The following LARGE1 variants were observed in gnomAD, a reference collection of about 807,000 sequenced individuals.
The protein encoded by LARGE1 is xylosyl- and glucuronyltransferase LARGE1.
Under a neutral mutation model 87.6 loss-of-function variants are expected in LARGE1, and 43 were observed. That is an observed-to-expected ratio of 0.49 (90% CI 0.38 to 0.63). LARGE1 has a LOEUF of 0.63. LARGE1 is among the 30% of genes least tolerant of loss of function. The pLI is 0.00. For missense variants in LARGE1, 802 were observed against 1,000.2 expected, an observed-to-expected ratio of 0.80 and a Z score of 2.67; for synonymous variants, 434 against 394.6, an observed-to-expected ratio of 1.10 and a Z score of -1.18.
chr22:33,292,010 C>T (rs1446897147), intron 12 of LARGE1, among the ~76,000 whole-genome samples: 2 of 152,174 alleles, frequency 1.3e-5, no homozygotes, highest in Non-Finnish European at 2.9e-5. Context: ...AGGAGAATCG[C>T]TTGAACCAGG....
At chr22:33,628,492 T>G (rs240587) in intron 3 of LARGE1, among the ~76,000 whole-genome samples, 3 of 152,044 alleles carry the variant, frequency 2.0e-5, no homozygotes, top group African/African-American at 7.2e-5. Context: ...AATTTTTGTA[T>G]TTTTAGTAGA....
chr22:33,447,176 T>A (rs1262025245), intron 6 of LARGE1, among the ~76,000 whole-genome samples: 1 of 152,252 alleles, frequency 6.6e-6, no homozygotes, highest in African/African-American at 2.4e-5. Context: ...TTATAAGGCA[T>A]GAGCCACTGC....
chr22:33,406,880 C>T (rs2066120761), intron 7 of LARGE1, among the ~76,000 whole-genome samples: 1 of 152,076 alleles, frequency 6.6e-6, no homozygotes, highest in Non-Finnish European at 1.5e-5. Flanking sequence ...GCAACCTCCA[C>T]CTCCCAGGTT....
At chr22:33,154,067 G>A in the LARGE1 span, among the ~76,000 whole-genome samples, 1 of 151,802 alleles carries the variant, frequency 6.6e-6, no homozygotes, top group African/African-American at 2.4e-5. Flanking sequence ...ACAAAATGTT[G>A]CTTAATGTAT....
At position 33,782,899 on chromosome 22, in the gene LARGE1, AGAG is replaced by A. The variant is rs1360228274; in HGVS notation, c.-82-21344_-82-21342del. Among the ~76,000 whole-genome samples, 14 of 147,974 alleles carry A rather than the reference AGAG, an allele frequency of 9.5e-5. No homozygotes were observed. The East Asian group carries it at 1.6e-3, about 17-fold the overall frequency. ...AAATCAAGTTTAAAAAAAAAAAAAA[AGAG>A]AGAGAGAGAGGGAGTGTTCCACTTC... On this transcript the variant is annotated intron_variant, in intron 1 of 14. Transcript: ENST00000397394.
chr22:33,843,436 C>CAAAAAAAA (rs1431718170), intron 1 of LARGE1, among the ~76,000 whole-genome samples: 4 of 97,636 alleles, frequency 4.1e-5, no homozygotes, highest in African/African-American at 2.1e-4. Flanking sequence ...GACTCCCTCT[C>CAAAAAAAA]AAAAAAATAA....
intron 2 of LARGE1, among the ~76,000 whole-genome samples, chr22:33,671,083 T>C (rs1217856457): frequency 1.3e-5 from 2 of 151,900 alleles, no homozygotes; most frequent in Non-Finnish European, 2.9e-5. Context: ...TGGGGACCAG[T>C]GAAAGAAAAT....
intron 11 of LARGE1, among the ~76,000 whole-genome samples, chr22:33,192,867 A>G (rs1055589359): frequency 2.0e-5 from 3 of 152,196 alleles, no homozygotes; most frequent in Non-Finnish European, 4.4e-5. Flanking sequence ...TAAGAGTCCA[A>G]TTACATTCTT....
chr22:33,384,460 A>AAAGATGGAGACGGAGG (rs1374989116), intron 7 of LARGE1, among the ~76,000 whole-genome samples, 156 bp from the exon 8 acceptor site: 36 of 149,906 alleles, frequency 2.4e-4, no homozygotes, highest in South Asian at 4.6e-4. Context: ...TCCCTCTAAA[A>AAAGATGGAGACGGAGG]ATTCTTCCAA....
At chr22:33,135,274 T>C in the LARGE1 span, among the ~76,000 whole-genome samples, 1 of 152,134 alleles carries the variant, frequency 6.6e-6, no homozygotes, top group South Asian at 2.1e-4. Context: ...AGTCCACACA[T>C]TGTGCAAAGT....
At chr22:33,641,095 G>C (rs1302364889) in intron 3 of LARGE1, among the ~76,000 whole-genome samples, 1 of 152,132 alleles carries the variant, frequency 6.6e-6, no homozygotes, top group Admixed American at 6.5e-5. Context: ...TCCTCAAGTG[G>C]GTCCCTGACT....
At chr22:33,422,571 A>T (rs1302413636) in intron 7 of LARGE1, among the ~76,000 whole-genome samples, 1 of 150,050 alleles carries the variant, frequency 6.7e-6, no homozygotes, top group Non-Finnish European at 1.5e-5. Flanking sequence ...GTACAATGGC[A>T]TGATCTCCGC....
At chr22:33,864,708 C>A (rs2064034189) in intron 1 of LARGE1, among the ~76,000 whole-genome samples, 1 of 152,166 alleles carries the variant, frequency 6.6e-6, no homozygotes, top group South Asian at 2.1e-4. Flanking sequence ...CTTGAGACAG[C>A]AGCAGAAGAC....
intron 11 of LARGE1, among the ~76,000 whole-genome samples, chr22:33,314,947 C>A (rs1461652129): frequency 1.3e-5 from 2 of 152,176 alleles, no homozygotes; most frequent in Non-Finnish European, 2.9e-5. Context: ...CAGGGGCTCA[C>A]ACTTGTAATC....
chr22:33,822,826 C>T (rs1482131439), intron 1 of LARGE1, among the ~76,000 whole-genome samples: 1 of 152,210 alleles, frequency 6.6e-6, no homozygotes, highest in Non-Finnish European at 1.5e-5. Context: ...GAATGATCTT[C>T]CTCAGCGCCT....
At chr22:33,545,264 CT>C (rs57882316) in intron 6 of LARGE1, among the ~76,000 whole-genome samples, 22,100 of 131,726 alleles carry the variant, frequency 0.17, 2,240 homozygotes, top group African/African-American at 0.3. Flanking sequence ...CTTTCCTTTT[CT>C]TTTTTTTTTT....
At chr22:33,674,007 C>T (rs1360263607) in intron 2 of LARGE1, among the ~76,000 whole-genome samples, 2 of 151,576 alleles carry the variant, frequency 1.3e-5, no homozygotes, top group Non-Finnish European at 2.9e-5. Context: ...TGGGGTTTTG[C>T]CATGTTGGCC....
intron 2 of LARGE1, among the ~76,000 whole-genome samples, chr22:33,719,227 A>G (rs2083005385): frequency 6.6e-6 from 1 of 152,250 alleles, no homozygotes; most frequent in African/African-American, 2.4e-5. Flanking sequence ...TGTTACGACA[A>G]GAGTCAAAAA....
rs10679072 is a variant in LARGE1 at position 33,298,911 on chromosome 22, AAGAG to A, written c.1730+5314_1730+5317del. On this transcript the variant is annotated intron_variant, in intron 12 of 14. Coordinates refer to ENST00000397394, the MANE Select transcript of LARGE1 (RefSeq NM_133642.5). ...AAAGATGGAAAGAAAGAAAAAAGGA[AAGAG>A]AGAGAGAGAGACGCGGGAAGCAGTG... is the stretch of plus-strand genomic sequence containing the variant. 5.3e-5 allele frequency among the ~76,000 whole-genome samples: 8 copies of A among 151,376 alleles called. No homozygotes were observed. In the South Asian group the frequency reaches 6.3e-4, roughly 12 times the overall value.
Sources: gnomAD v4.1 joint callset for allele counts (sites outside exome capture counted in the v4.1 genomes callset) on GRCh38, gnomAD v4.1.1 for gene constraint, MANE v1.5 for transcripts, NCBI Gene and HGNC (gene_info 2026-07-23, HGNC 2026-07-21) for gene names.